The following SAMMSON variants were observed in gnomAD, a reference collection of about 807,000 sequenced individuals.
SAMMSON encodes the protein survival associated mitochondrial melanoma specific oncogenic non-coding RNA.
chr3:70,122,373 C>T (rs1341783197), intron 4 of SAMMSON, among the ~76,000 whole-genome samples: 1 of 151,988 alleles, frequency 6.6e-6, no homozygotes. Context: ...TATATATTTT[C>T]TTTGTGTGTG....
At chr3:70,199,181 A>G (rs576477182) in intron 4 of SAMMSON, among the ~76,000 whole-genome samples, 14 of 152,262 alleles carry the variant, frequency 9.2e-5, no homozygotes, top group Admixed American at 2.0e-4. Flanking sequence ...GGAGTTAAGT[A>G]GGGTGGGAAT....
chr3:70,315,097 C>T (rs1702486303), intron 7 of SAMMSON, among the ~76,000 whole-genome samples: 1 of 152,066 alleles, frequency 6.6e-6, no homozygotes, highest in Non-Finnish European at 1.5e-5. Flanking sequence ...TAAGTCGAAG[C>T]ATTAGAATAG....
intron 3 of SAMMSON, among the ~76,000 whole-genome samples, chr3:70,019,697 G>C (rs1439934747): frequency 6.6e-6 from 1 of 152,138 alleles, no homozygotes; most frequent in Admixed American, 6.6e-5. Context: ...TTACAATTTG[G>C]CATGTTTTTG....
At chr3:70,368,846 G>T (rs2106744597) in intron 9 of SAMMSON, among the ~76,000 whole-genome samples, 1 of 151,558 alleles carries the variant, frequency 6.6e-6, no homozygotes, top group South Asian at 2.1e-4. Flanking sequence ...GCTACCCTAG[G>T]TAATTTGCAT....
intron 4 of SAMMSON, chr3:70,204,551 C>T (rs1454982043): frequency 5.3e-5 from 8 of 152,080 alleles, no homozygotes; most frequent in African/African-American, 1.7e-4. Flanking sequence ...TGGACTATCA[C>T]CTAGGTGGTC....
intron 7 of SAMMSON, among the ~76,000 whole-genome samples, chr3:70,303,388 T>G (rs1253939003): frequency 6.6e-6 from 1 of 152,082 alleles, no homozygotes; most frequent in Non-Finnish European, 1.5e-5. Context: ...CTTGGACTCT[T>G]AAGGAGGAGA....
intron 4 of SAMMSON, among the ~76,000 whole-genome samples, chr3:70,152,328 A>G (rs1222677875): frequency 6.6e-6 from 1 of 152,026 alleles, no homozygotes; most frequent in Non-Finnish European, 1.5e-5. Flanking sequence ...GAATAACAAA[A>G]TGCCATTTCA....
At chr3:70,313,131 T>C (rs1702469457) in intron 7 of SAMMSON, among the ~76,000 whole-genome samples, 1 of 152,132 alleles carries the variant, frequency 6.6e-6, no homozygotes, top group African/African-American at 2.4e-5. Context: ...TGGAATAACA[T>C]TCCAAAGATG....
intron 6 of SAMMSON, among the ~76,000 whole-genome samples, chr3:70,283,270 A>G (rs964393138): frequency 6.6e-6 from 1 of 151,936 alleles, no homozygotes; most frequent in Non-Finnish European, 1.5e-5. Context: ...CAGTCCTCTG[A>G]TTGATTGCTT....
At chr3:70,006,039 CAG>C (rs1228387004) in intron 1 of SAMMSON, among the ~76,000 whole-genome samples, 1 of 152,158 alleles carries the variant, frequency 6.6e-6, no homozygotes, top group Non-Finnish European at 1.5e-5. Flanking sequence ...AACTAGTTGA[CAG>C]AGCTGATTTT....
At chr3:70,125,929 G>A (rs1465650680) in intron 4 of SAMMSON, 2 of 735,482 alleles carry the variant, frequency 2.7e-6, no homozygotes, top group Non-Finnish European at 4.8e-6. Flanking sequence ...TGGCCAAGGA[G>A]GTTCCTCAGG....
At chr3:70,134,725 T>C (rs891263330) in intron 4 of SAMMSON, among the ~76,000 whole-genome samples, 12 of 152,206 alleles carry the variant, frequency 7.9e-5, no homozygotes, top group Non-Finnish European at 1.6e-4. Flanking sequence ...ATACATATGA[T>C]ACATATTTAT....
At chr3:70,042,058 C>G (rs1353822766) in intron 3 of SAMMSON, among the ~76,000 whole-genome samples, 1 of 152,074 alleles carries the variant, frequency 6.6e-6, no homozygotes, top group African/African-American at 2.4e-5. Flanking sequence ...CTACTCTGAA[C>G]TTCATTCGAC....
intron 7 of SAMMSON, among the ~76,000 whole-genome samples, chr3:70,349,151 G>T (rs778962073): frequency 6.6e-6 from 1 of 152,018 alleles, no homozygotes; most frequent in Non-Finnish European, 1.5e-5. Context: ...GAGGTGGGAG[G>T]ATCACCCAAG....
chr3:70,207,196 T>C (rs1701299362), intron 4 of SAMMSON, among the ~76,000 whole-genome samples: 1 of 152,062 alleles, frequency 6.6e-6, no homozygotes, highest in Non-Finnish European at 1.5e-5. Context: ...GAGTTATTCA[T>C]ATGAGCTCAA....
chr3:70,377,965 G>A (rs976736188), intron 9 of SAMMSON, among the ~76,000 whole-genome samples: 3 of 151,916 alleles, frequency 2.0e-5, no homozygotes, highest in African/African-American at 4.8e-5. Context: ...GTACATGAAG[G>A]AGAATACGCT....
At chr3:70,313,638 C>T (rs1702474575) in intron 7 of SAMMSON, among the ~76,000 whole-genome samples, 1 of 152,016 alleles carries the variant, frequency 6.6e-6, no homozygotes, top group South Asian at 2.1e-4. Flanking sequence ...TATTTTTTGT[C>T]TCAAGGTGGC....
intron 4 of SAMMSON, chr3:70,096,097 C>G (rs767726703): frequency 3.9e-5 from 6 of 152,234 alleles, no homozygotes; most frequent in Non-Finnish European, 8.8e-5. Flanking sequence ...GGCTCTTCCT[C>G]TAACCTCACA....
intron 4 of SAMMSON, among the ~76,000 whole-genome samples, chr3:70,139,917 C>A (rs957815061): frequency 1.3e-5 from 2 of 152,150 alleles, no homozygotes; most frequent in African/African-American, 4.8e-5. Context: ...ATGCTACTTT[C>A]CTTATCAAAT....
Sources: allele counts gnomAD v4.1 joint callset (sites outside exome capture counted in the v4.1 genomes callset), GRCh38; gene constraint gnomAD v4.1.1; transcripts MANE v1.5; gene names NCBI Gene and HGNC (gene_info 2026-07-23, HGNC 2026-07-21).